Variants in EDIL3 observed in about 807,000 individuals in gnomAD.
EDIL3 encodes EGF like and discoidin domains 3.
In EDIL3, 37 loss-of-function variants were observed where a neutral mutation model predicts 67.4. That is an observed-to-expected ratio of 0.55 (90% CI 0.42 to 0.72). The LOEUF (loss-of-function observed/expected upper bound fraction) is 0.72, where lower values mean the gene tolerates loss of function less well. Among genes scored for constraint, EDIL3 ranks in the 30% least tolerant of loss-of-function variants. The probability of loss-of-function intolerance (pLI) is 0.00; values close to 1 mark genes in which losing one functional copy is unlikely to be tolerated. For missense variants in EDIL3, 527 were observed against 586.3 expected, an observed-to-expected ratio of 0.90 and a Z score of 1.04; for synonymous variants, 195 against 196.3, an observed-to-expected ratio of 0.99 and a Z score of 0.05.
intron 6 of EDIL3, among the ~76,000 whole-genome samples, chr5:84,090,755 G>A (rs1747150899): frequency 6.6e-6 from 1 of 151,772 alleles, no homozygotes. Context: ...AGACCATCCT[G>A]GCCAACATGG....
At chr5:84,023,992 A>G (rs1411841625) in intron 9 of EDIL3, among the ~76,000 whole-genome samples, 1 of 152,178 alleles carries the variant, frequency 6.6e-6, no homozygotes, top group Non-Finnish European at 1.5e-5. Context: ...TATGTAGTGC[A>G]TTAAAATTTT....
intron 6 of EDIL3, among the ~76,000 whole-genome samples, chr5:84,096,408 T>C (rs552762835): frequency 2.6e-5 from 4 of 152,330 alleles, no homozygotes; most frequent in South Asian, 2.1e-4. Context: ...ATGTGAGACA[T>C]GCAGTCAAAG....
At chr5:84,117,073 G>A (rs1055910889) in intron 5 of EDIL3, among the ~76,000 whole-genome samples, 5 of 127,716 alleles carry the variant, frequency 3.9e-5, no homozygotes, top group Non-Finnish European at 7.8e-5. Flanking sequence ...TGTGGCCCAG[G>A]CGGGAGTGCA....
intron 9 of EDIL3, among the ~76,000 whole-genome samples, chr5:83,988,319 T>C (rs1745091485): frequency 6.6e-6 from 1 of 152,188 alleles, no homozygotes. Flanking sequence ...AGGCAACTTC[T>C]TTTTGAAAGA....
At chr5:84,140,670 T>C (rs1450095047) in intron 4 of EDIL3, among the ~76,000 whole-genome samples, 3 of 152,150 alleles carry the variant, frequency 2.0e-5, no homozygotes, top group African/African-American at 7.2e-5. Context: ...CAATTTGTGA[T>C]AGAATGACCT....
At chr5:83,969,283 C>T (rs1744750548) in intron 9 of EDIL3, among the ~76,000 whole-genome samples, 1 of 151,700 alleles carries the variant, frequency 6.6e-6, no homozygotes, top group Non-Finnish European at 1.5e-5. Flanking sequence ...TTAAAATTAA[C>T]ATTCCCACAC....
chr5:84,279,534 C>T (rs1461185263), intron 1 of EDIL3, among the ~76,000 whole-genome samples: 1 of 152,166 alleles, frequency 6.6e-6, no homozygotes, highest in Non-Finnish European at 1.5e-5. Flanking sequence ...ATGTACATAT[C>T]TTAAAACTAT....
chr5:84,086,803 T>C (rs1191371708), intron 6 of EDIL3, among the ~76,000 whole-genome samples: 2 of 152,114 alleles, frequency 1.3e-5, no homozygotes. Flanking sequence ...TTTGGGTAAA[T>C]GTGTGACTAC....
At chr5:84,231,853 G>T (rs1334266733) in intron 2 of EDIL3, among the ~76,000 whole-genome samples, 1 of 152,130 alleles carries the variant, frequency 6.6e-6, no homozygotes. Flanking sequence ...ACTTAGATGA[G>T]TTATTGTTAA....
At chr5:84,161,418 A>T (rs919993676) in intron 4 of EDIL3, among the ~76,000 whole-genome samples, 2 of 152,086 alleles carry the variant, frequency 1.3e-5, no homozygotes, top group Non-Finnish European at 2.9e-5. Context: ...TAAGATAAAG[A>T]TTCACCCCAA....
chr5:83,977,968 G>A (rs1405338514), intron 9 of EDIL3, among the ~76,000 whole-genome samples: 41 of 151,854 alleles, frequency 2.7e-4, no homozygotes, highest in Non-Finnish European at 1.0e-4. Flanking sequence ...TCAGATAGCA[G>A]GTATCATGTT....
chr5:84,117,249 C>A (rs1393516141), intron 5 of EDIL3, among the ~76,000 whole-genome samples: 1 of 151,810 alleles, frequency 6.6e-6, no homozygotes, highest in Admixed American at 6.6e-5. Context: ...CCAGGATGGT[C>A]TCGATCTCCT....
intron 5 of EDIL3, among the ~76,000 whole-genome samples, chr5:84,120,558 A>T (rs1281139648): frequency 2.0e-5 from 3 of 152,034 alleles, no homozygotes; most frequent in Admixed American, 6.6e-5. Flanking sequence ...AAAAAGAGCA[A>T]TTTTTTTCCG....
At chr5:84,372,767 G>C (rs1747881360) in intron 1 of EDIL3, among the ~76,000 whole-genome samples, 1 of 152,076 alleles carries the variant, frequency 6.6e-6, no homozygotes. Flanking sequence ...AAACGCCTTA[G>C]GTTGTTGTGG....
intron 7 of EDIL3, among the ~76,000 whole-genome samples, 175 bp downstream of exon 7, chr5:84,066,276 G>A (rs991596891): frequency 2.2e-4 from 34 of 152,200 alleles, no homozygotes; most frequent in South Asian, 4.1e-4. Context: ...GCCATTTTAA[G>A]TTTATAAACT....
At chr5:84,142,898 C>T (rs1267976521) in intron 4 of EDIL3, among the ~76,000 whole-genome samples, 4 of 146,518 alleles carry the variant, frequency 2.7e-5, no homozygotes, top group Non-Finnish European at 6.0e-5. Context: ...GGCTATCTTT[C>T]CTCCGGCAAT....
At chr5:84,272,729 C>A (rs1745501350) in intron 1 of EDIL3, among the ~76,000 whole-genome samples, 1 of 152,004 alleles carries the variant, frequency 6.6e-6, no homozygotes, top group Admixed American at 6.6e-5. Flanking sequence ...GCTTTGAAAC[C>A]CAAAAGAATC....
intron 3 of EDIL3, among the ~76,000 whole-genome samples, chr5:84,202,870 T>C (rs1361385041): frequency 6.6e-6 from 1 of 152,088 alleles, no homozygotes; most frequent in African/African-American, 2.4e-5. Flanking sequence ...AATTTTACCA[T>C]TCCACTGGAA....
intron 1 of EDIL3, among the ~76,000 whole-genome samples, chr5:84,345,907 A>C (rs780199416): frequency 1.8e-4 from 27 of 152,318 alleles, no homozygotes; most frequent in Non-Finnish European, 3.1e-4. Context: ...ACTCTCACTC[A>C]GTAGATCCCT....
Sources: allele counts gnomAD v4.1 joint callset (sites outside exome capture counted in the v4.1 genomes callset), GRCh38; gene constraint gnomAD v4.1.1; transcripts MANE v1.5; gene names NCBI Gene and HGNC (gene_info 2026-07-23, HGNC 2026-07-21).